SLIT3: variants seen among roughly 807,000 people sequenced by gnomAD.
SLIT3 encodes slit guidance ligand 3.
Under a neutral mutation model 184.0 loss-of-function variants are expected in SLIT3, and 68 were observed. The ratio of observed to expected loss-of-function variants is 0.37; its 90% CI spans 0.30 to 0.45. SLIT3 has a LOEUF of 0.45. SLIT3 is among the 20% of genes least tolerant of loss of function. SLIT3 has a pLI of 1.00. For missense variants in SLIT3, 1,707 were observed against 2,026.0 expected, an observed-to-expected ratio of 0.84 and a Z score of 3.02; for synonymous variants, 831 against 828.6, an observed-to-expected ratio of 1.00 and a Z score of -0.05.
At chr5:168,808,372 T>C (rs1478524854) in intron 8 of SLIT3, among the ~76,000 whole-genome samples, 1 of 152,124 alleles carries the variant, frequency 6.6e-6, no homozygotes, top group East Asian at 1.9e-4. Flanking sequence ...TCCTACTGCC[T>C]CTATCTGATT....
intron 4 of SLIT3, among the ~76,000 whole-genome samples, chr5:169,066,846 T>G (rs1758364269): frequency 6.6e-6 from 1 of 151,756 alleles, no homozygotes; most frequent in Non-Finnish European, 1.5e-5. Context: ...ATGACCTACT[T>G]GGCTGAACTT....
intron 4 of SLIT3, among the ~76,000 whole-genome samples, chr5:169,119,021 C>T (rs1262984155): frequency 1.3e-5 from 2 of 152,094 alleles, no homozygotes; most frequent in Non-Finnish European, 2.9e-5. Context: ...AAATTTTTCC[C>T]AAAGTCCCAC....
chr5:169,142,122 A>G lies in SLIT3; in HGVS notation c.413+51357T>C, dbSNP rs1382855036. On this transcript the variant is annotated intron_variant, in intron 4 of 35. Coordinates refer to ENST00000519560, the MANE Select transcript of SLIT3 (RefSeq NM_003062.4). Reference sequence around the variant, plus strand: ...AAATAAATAAATAAATAAATAAATAAAGTCAGGTCATGAGGGTGCATAATT... The same window carrying G: ...AAATAAATAAATAAATAAATAAATAGAGTCAGGTCATGAGGGTGCATAATT... Among the ~76,000 whole-genome samples, 3 of 151,056 alleles carry G rather than the reference A, an allele frequency of 2.0e-5. No individual in the cohort carries two copies. The East Asian group carries it at 5.8e-4, about 29-fold the overall frequency.
chr5:168,748,486 G>T, intron 19 of SLIT3, 52 bp from the exon 20 acceptor site: 1 of 1,485,016 alleles, frequency 6.7e-7, no homozygotes. Context: ...GCCCCACTAG[G>T]GGGAGCCAGT....
intron 1 of SLIT3, among the ~76,000 whole-genome samples, chr5:169,264,471 C>A (rs562137382): frequency 6.6e-6 from 1 of 152,274 alleles, no homozygotes; most frequent in East Asian, 1.9e-4. Context: ...AGCCACCGTG[C>A]CTGGCCGGAA....
rs1246628661 is a variant in SLIT3, at chr5:169,130,503, T to C, written c.413+62976A>G. Among the ~76,000 whole-genome samples the C allele has an allele frequency of 2.0e-5, 3 of 152,302 alleles. No homozygotes were observed. The East Asian group carries it at 5.8e-4, about 29-fold the overall frequency. On this transcript the variant is annotated intron_variant, in intron 4 of 35. Coordinates refer to ENST00000519560, the MANE Select transcript of SLIT3 (RefSeq NM_003062.4). Reference sequence around the variant, plus strand: ...TCCTCATATGTAAAAATGAAAATAATAACACCTGGTTGACAGAGCTGTTGC... The same window carrying C: ...TCCTCATATGTAAAAATGAAAATAACAACACCTGGTTGACAGAGCTGTTGC...
At position 169,203,553 on chromosome 5, in the gene SLIT3, C is replaced by T. The variant is rs182967526; in HGVS notation, c.342-10003G>A. Reference sequence around the variant, plus strand: ...GCGGCCAAGAAAGCAGACAACTCCCCAGATTCAAGAATCACTCCTGGATCT... The same window carrying T: ...GCGGCCAAGAAAGCAGACAACTCCCTAGATTCAAGAATCACTCCTGGATCT... On this transcript the variant is annotated intron_variant, in intron 3 of 35. Coordinates refer to ENST00000519560, the MANE Select transcript of SLIT3 (RefSeq NM_003062.4). Among the ~76,000 whole-genome samples the T allele has an allele frequency of 5.3e-5, 8 of 152,318 alleles. No individual in the cohort carries two copies. In the East Asian group the frequency reaches 1.5e-3, roughly 29 times the overall value.
intron 12 of SLIT3, among the ~76,000 whole-genome samples, chr5:168,782,409 C>T (rs993626220): frequency 2.6e-5 from 4 of 152,304 alleles, no homozygotes; most frequent in South Asian, 2.1e-4. Flanking sequence ...TGTCCATCAG[C>T]GGAGGAAATG....
intron 4 of SLIT3, among the ~76,000 whole-genome samples, chr5:169,046,124 T>A (rs1275834857): frequency 6.6e-6 from 1 of 152,162 alleles, no homozygotes; most frequent in East Asian, 1.9e-4. Context: ...GGGAGACCCC[T>A]TCCCTACCCC....
chr5:168,904,674 C>T (rs1760987000), intron 4 of SLIT3, among the ~76,000 whole-genome samples: 1 of 152,082 alleles, frequency 6.6e-6, no homozygotes, highest in African/African-American at 2.4e-5. Flanking sequence ...AGGTGAACTG[C>T]TATGGAGATC....
At chr5:168,917,919 A>G (rs1330298369) in intron 4 of SLIT3, among the ~76,000 whole-genome samples, 1 of 152,190 alleles carries the variant, frequency 6.6e-6, no homozygotes, top group East Asian at 1.9e-4. Context: ...GCCTTCCCCC[A>G]AGTCTCTCTC....
At chr5:168,878,291 G>A (rs77339025) in intron 5 of SLIT3, among the ~76,000 whole-genome samples, 9,014 of 152,244 alleles carry the variant, frequency 0.059, 402 homozygotes, top group East Asian at 0.21. Flanking sequence ...CTCTTCTCTG[G>A]AGAAGCAGGA....
At chr5:168,690,466 C>T (rs960428540) in intron 29 of SLIT3, among the ~76,000 whole-genome samples, 2 of 152,244 alleles carry the variant, frequency 1.3e-5, no homozygotes, top group African/African-American at 4.8e-5. Context: ...TTCCCTGCCC[C>T]TTCCCGGGCA....
chr5:169,179,584 T>A (rs372671529), intron 4 of SLIT3, among the ~76,000 whole-genome samples: 117 of 152,158 alleles, frequency 7.7e-4, no homozygotes, highest in African/African-American at 2.5e-3. Context: ...ATAGGCTGTT[T>A]CTTTCTCTTT....
At chr5:168,954,486 C>T (rs969684564) in intron 4 of SLIT3, among the ~76,000 whole-genome samples, 2 of 152,142 alleles carry the variant, frequency 1.3e-5, no homozygotes, top group Non-Finnish European at 2.9e-5. Flanking sequence ...CTGTCAGATT[C>T]CCGGCTCACA....
At chr5:168,854,109 G>A (rs1435606791) in intron 5 of SLIT3, among the ~76,000 whole-genome samples, 2 of 152,150 alleles carry the variant, frequency 1.3e-5, no homozygotes, top group African/African-American at 4.8e-5. Context: ...GGAGAGTCAA[G>A]TTCAAACCTG....
intron 3 of SLIT3, among the ~76,000 whole-genome samples, chr5:169,233,059 C>T (rs1373970119): frequency 6.6e-6 from 1 of 152,130 alleles, no homozygotes; most frequent in African/African-American, 2.4e-5. Context: ...TAGAGTCTCG[C>T]TCTGTCACCA....
At chr5:168,902,248 C>A (rs1414002825) in intron 4 of SLIT3, among the ~76,000 whole-genome samples, 1 of 152,180 alleles carries the variant, frequency 6.6e-6, no homozygotes, top group Non-Finnish European at 1.5e-5. Context: ...TATTAACGAA[C>A]ATTTGTTAAA....
chr5:169,225,818 A>G (rs191685412), intron 3 of SLIT3, among the ~76,000 whole-genome samples: 1 of 152,238 alleles, frequency 6.6e-6, no homozygotes, highest in Non-Finnish European at 1.5e-5. Flanking sequence ...CCTGAGCACC[A>G]TGGCAGGGAA....
Sources: allele counts gnomAD v4.1 joint callset (sites outside exome capture counted in the v4.1 genomes callset), GRCh38; gene constraint gnomAD v4.1.1; transcripts MANE v1.5; gene names NCBI Gene and HGNC (gene_info 2026-07-23, HGNC 2026-07-21).